The following LIN7A variants were observed in gnomAD, a reference collection of about 807,000 sequenced individuals.
LIN7A encodes protein lin-7 homolog A.
Under a neutral mutation model 29.8 loss-of-function variants are expected in LIN7A, and 25 were observed. That is an observed-to-expected ratio of 0.84 (90% CI 0.61 to 1.17). The LOEUF (loss-of-function observed/expected upper bound fraction) is 1.17, where lower values mean the gene tolerates loss of function less well. Among genes scored for constraint, LIN7A ranks in the 50% most tolerant of loss-of-function variants. The pLI is 0.00. For missense variants in LIN7A, 239 were observed against 287.0 expected, an observed-to-expected ratio of 0.83 and a Z score of 1.21; for synonymous variants, 118 against 107.5, an observed-to-expected ratio of 1.10 and a Z score of -0.60.
At chr12:80,896,376 T>C (rs916809199) in intron 1 of LIN7A, among the ~76,000 whole-genome samples, 4 of 152,214 alleles carry the variant, frequency 2.6e-5, no homozygotes, top group African/African-American at 7.2e-5. Context: ...TTGAGGTGTC[T>C]AAAAATTTTA....
chr12:80,886,863 C>G (rs1403737595), intron 2 of LIN7A, among the ~76,000 whole-genome samples: 2 of 152,130 alleles, frequency 1.3e-5, no homozygotes, highest in East Asian at 1.9e-4. Context: ...TTCTCATTTT[C>G]CTTAGCAAAT....
chr12:80,905,403 T>A (rs1876426804), intron 1 of LIN7A, among the ~76,000 whole-genome samples: 1 of 152,196 alleles, frequency 6.6e-6, no homozygotes, highest in Non-Finnish European at 1.5e-5. Context: ...CAGTGTTATT[T>A]CTCATTTTGG....
At chr12:80,805,417 G>C (rs1026395105) in intron 5 of LIN7A, among the ~76,000 whole-genome samples, 1 of 151,988 alleles carries the variant, frequency 6.6e-6, no homozygotes, top group Non-Finnish European at 1.5e-5. Context: ...CTTTAGAGTG[G>C]GAGGAAAAAG....
intron 1 of LIN7A, among the ~76,000 whole-genome samples, chr12:80,924,593 A>G (rs74487142): frequency 6.6e-6 from 1 of 152,212 alleles, no homozygotes; most frequent in African/African-American, 2.4e-5. Context: ...TATGGCTAGG[A>G]TGAAGCAGGG....
intron 5 of LIN7A, among the ~76,000 whole-genome samples, chr12:80,807,089 T>TGTTTTTTTTTTTC (rs1871074867): frequency 7.7e-6 from 1 of 130,134 alleles, no homozygotes; most frequent in African/African-American, 3.6e-5. Flanking sequence ...TTTTTTTTTT[T>TGTTTTTTTTTTTC]TTGACGGAGT....
intron 1 of LIN7A, among the ~76,000 whole-genome samples, chr12:80,895,873 G>A (rs1236711108): frequency 2.6e-5 from 4 of 152,142 alleles, no homozygotes; most frequent in South Asian, 2.1e-4. Context: ...AAGGACACAG[G>A]CCTAATGTCC....
chr12:80,803,903 G>A (rs1007606320), intron 5 of LIN7A, among the ~76,000 whole-genome samples: 3 of 152,148 alleles, frequency 2.0e-5, no homozygotes, highest in Admixed American at 2.0e-4. Context: ...AAATATGTCT[G>A]TGAAGTGGGG....
At chr12:80,850,109 C>A (rs1437645903) in intron 2 of LIN7A, among the ~76,000 whole-genome samples, 1 of 152,036 alleles carries the variant, frequency 6.6e-6, no homozygotes, top group African/African-American at 2.4e-5. Context: ...GAATAATTAG[C>A]CTTAAGACCC....
At chr12:80,853,278 T>A (rs1488196414) in intron 2 of LIN7A, among the ~76,000 whole-genome samples, 2 of 152,012 alleles carry the variant, frequency 1.3e-5, no homozygotes, top group East Asian at 1.9e-4. Context: ...CAGAAATTAG[T>A]GCAAATTTGT....
At chr12:80,878,146 A>G (rs1024184586) in intron 2 of LIN7A, among the ~76,000 whole-genome samples, 3 of 152,210 alleles carry the variant, frequency 2.0e-5, no homozygotes, top group Non-Finnish European at 4.4e-5. Context: ...GAGTCATTAT[A>G]GATGATTTTT....
At chr12:80,812,041 A>C (rs1389789368) in intron 4 of LIN7A, among the ~76,000 whole-genome samples, 5 of 152,208 alleles carry the variant, frequency 3.3e-5, no homozygotes, top group Non-Finnish European at 7.3e-5. Context: ...TAACAAAGAG[A>C]AAATTTCTGT....
Position 80,794,405 on chromosome 12 carries a change from CTG to C in LIN7A, c.*3320_*3321del, listed in dbSNP as rs1870351044. 1 of 152,112 alleles carries C rather than the reference CTG, an allele frequency of 6.6e-6. No homozygotes were observed. The highest frequency in any genetic ancestry group is 1.5e-5 in the Non-Finnish European group (1 of 68,006). The allele number at this position is 152,112 out of a possible 1,614,324, so 9.4% of individuals were successfully genotyped here. A position where few individuals can be genotyped will look rare whatever the true frequency, so the allele number is the denominator to read the frequency against. On this transcript the variant is annotated 3_prime_UTR_variant, in exon 6 of 6. Transcript: ENST00000552864. ...GTCTAAAGCTGGTCTTATGAACAGG[CTG>C]TGTCTGTATGATAAAAACAAACTAG...
At chr12:80,926,868 C>T (rs1877608111) in intron 1 of LIN7A, among the ~76,000 whole-genome samples, 1 of 130,854 alleles carries the variant, frequency 7.6e-6, no homozygotes, top group Non-Finnish European at 1.5e-5. Flanking sequence ...GCGGAGCTTA[C>T]AGTAAGCCGA....
intron 1 of LIN7A, among the ~76,000 whole-genome samples, chr12:80,919,418 A>G (rs1877186741): frequency 6.6e-6 from 1 of 152,182 alleles, no homozygotes; most frequent in Non-Finnish European, 1.5e-5. Flanking sequence ...AGTGAGAAAA[A>G]TCCAGCTAAA....
chr12:80,802,353 A>T (rs911895448), intron 5 of LIN7A, among the ~76,000 whole-genome samples: 2 of 152,150 alleles, frequency 1.3e-5, no homozygotes, highest in African/African-American at 4.8e-5. Context: ...TCTGTTATGT[A>T]TGTCTATTTA....
chr12:80,880,722 C>T lies in LIN7A; in HGVS notation c.201+8529G>A, dbSNP rs117422604. On this transcript the variant is annotated intron_variant, in intron 2 of 5. Transcript: ENST00000552864. ...GATTTTTGTTCCATTAGGAGTTTTG[C>T]TTGATAAACTCTGTTGGGAGGAGGC... Among the ~76,000 whole-genome samples, 1,060 of 150,380 alleles carry T rather than the reference C, an allele frequency of 7.0e-3. 19 individuals carry two copies. Among genetic ancestry groups the T allele is most frequent in the East Asian group, 0.066 (331 of 5,048 alleles).
intron 2 of LIN7A, among the ~76,000 whole-genome samples, chr12:80,876,080 CAG>C (rs1555226195): frequency 6.1e-5 from 9 of 146,990 alleles, no homozygotes; most frequent in African/African-American, 2.2e-4. Context: ...CACACACACA[CAG>C]AGAGAGAGAA....
intron 4 of LIN7A, among the ~76,000 whole-genome samples, chr12:80,812,532 T>C (rs1466948104): frequency 1.6e-5 from 2 of 122,442 alleles, no homozygotes; most frequent in Non-Finnish European, 3.5e-5. Flanking sequence ...TGCAAAAGGG[T>C]TTTTTTTCTG....
intron 4 of LIN7A, among the ~76,000 whole-genome samples, chr12:80,812,450 TAAAAAAA>T (rs199686456): frequency 2.1e-4 from 27 of 131,532 alleles, no homozygotes; most frequent in African/African-American, 6.2e-4. Flanking sequence ...TCAAACACTG[TAAAAAAA>T]AAAAAAAAAA....
Sources: allele counts gnomAD v4.1 joint callset (sites outside exome capture counted in the v4.1 genomes callset), GRCh38; gene constraint gnomAD v4.1.1; transcripts MANE v1.5; gene names NCBI Gene and HGNC (gene_info 2026-07-23, HGNC 2026-07-21).